The following P4HA1 variants were observed in gnomAD, a reference collection of about 807,000 sequenced individuals.
The protein encoded by P4HA1 is prolyl 4-hydroxylase subunit alpha-1.
A neutral mutation model predicts 72.8 loss-of-function variants in P4HA1; 24 were observed. The ratio of observed to expected loss-of-function variants is 0.33; its 90% CI spans 0.24 to 0.46. The LOEUF is 0.46. P4HA1 is among the 20% of genes least tolerant of loss of function. The pLI is 1.00. For missense variants in P4HA1, 446 were observed against 640.6 expected (o/e 0.70, Z 3.28); for synonymous variants, 201 against 218.8 (o/e 0.92, Z 0.72).
intron 1 of P4HA1, among the ~76,000 whole-genome samples, chr10:73,087,300 ACT>A (rs1841943564): frequency 5.1e-5 from 7 of 136,274 alleles, no homozygotes. Flanking sequence ...ACAGAGTCTC[ACT>A]CTGTCGCCCA....
intron 1 of P4HA1, among the ~76,000 whole-genome samples, chr10:73,089,793 G>A (rs1413914459): frequency 6.6e-6 from 1 of 150,942 alleles, no homozygotes; most frequent in African/African-American, 2.4e-5. Flanking sequence ...CAACAGAAAG[G>A]AAACAATGGT....
intron 9 of P4HA1, among the ~76,000 whole-genome samples, chr10:73,041,836 TTTCTC>T (rs1051002561): frequency 9.9e-5 from 15 of 151,830 alleles, no homozygotes; most frequent in African/African-American, 3.1e-4. Context: ...TTCTATTTCT[TTTCTC>T]TTTTTTTTTT....
At chr10:73,022,571 A>T (rs58705989) in intron 10 of P4HA1, among the ~76,000 whole-genome samples, 10,578 of 152,258 alleles carry the variant, frequency 0.069, 616 homozygotes, top group East Asian at 0.29. Context: ...ACTTCTAAAG[A>T]TCAGAGCACC....
chr10:73,045,650 C>G (rs1840838819), intron 8 of P4HA1, among the ~76,000 whole-genome samples: 1 of 151,742 alleles, frequency 6.6e-6, no homozygotes, highest in Non-Finnish European at 1.5e-5. Context: ...AGGTGACCGC[C>G]TAGATAATAA....
chr10:73,014,050 A>G (rs1326056968), intron 12 of P4HA1, among the ~76,000 whole-genome samples, 174 bp downstream of exon 12: 1 of 152,246 alleles, frequency 6.6e-6, no homozygotes, highest in Non-Finnish European at 1.5e-5. Context: ...ATGAACATCT[A>G]TCTTATAGCC....
intron 1 of P4HA1, among the ~76,000 whole-genome samples, chr10:73,085,223 T>C (rs974410780): frequency 2.0e-5 from 3 of 152,118 alleles, no homozygotes; most frequent in Admixed American, 6.5e-5. Flanking sequence ...ATATGACGCC[T>C]AAAGCACCAA....
chr10:73,074,587 G>C (rs1439936868), intron 2 of P4HA1, among the ~76,000 whole-genome samples: 1 of 152,008 alleles, frequency 6.6e-6, no homozygotes, highest in Non-Finnish European at 1.5e-5. Context: ...CACTGAAAAA[G>C]ACTAAGTATA....
At chr10:73,064,776 G>A (rs1203428868) in intron 5 of P4HA1, among the ~76,000 whole-genome samples, 1 of 152,034 alleles carries the variant, frequency 6.6e-6, no homozygotes, top group African/African-American at 2.4e-5. Context: ...AGGAGGCAGA[G>A]GTTGCAGTGA....
intron 1 of P4HA1, among the ~76,000 whole-genome samples, chr10:73,087,450 T>C (rs1471167322): frequency 6.6e-6 from 1 of 151,868 alleles, no homozygotes; most frequent in African/African-American, 2.4e-5. Flanking sequence ...GTATTTTTAG[T>C]AGAGACGGTT....
chr10:73,022,427 T>TAACA (rs1402980328), intron 10 of P4HA1, among the ~76,000 whole-genome samples: 1 of 152,002 alleles, frequency 6.6e-6, no homozygotes, highest in Admixed American at 6.6e-5. Context: ...GAAGGAAAAC[T>TAACA]AACAGAAAGG....
intron 9 of P4HA1, among the ~76,000 whole-genome samples, chr10:73,039,854 CTTTTTT>C (rs765288935): frequency 8.9e-4 from 77 of 86,998 alleles, no homozygotes; most frequent in South Asian, 3.3e-3. Flanking sequence ...CTGAGATGGC[CTTTTTT>C]TTTTTTTTTT....
chr10:73,052,237 G>T (rs961047547), intron 6 of P4HA1, among the ~76,000 whole-genome samples: 2 of 151,550 alleles, frequency 1.3e-5, no homozygotes, highest in Non-Finnish European at 2.9e-5. Flanking sequence ...AAATAAAAAG[G>T]CAGAAGAATA....
chr10:73,031,771 C>T lies in P4HA1; in HGVS notation c.1149-1401G>A, dbSNP rs57502589. 1.1e-3 allele frequency among the ~76,000 whole-genome samples: 163 copies of T among 152,100 alleles called. 1 individual carries two copies. The highest frequency in any genetic ancestry group is 3.5e-3 in the African/African-American group (145 of 41,494). On this transcript the variant is annotated intron_variant, in intron 9 of 14. Coordinates refer to ENST00000394890, the MANE Select transcript of P4HA1 (RefSeq NM_001017962.3). ...ACCACTGAAATGCATACTTTAAAAG[C>T]GTGAATTTTATGATACGGGAACTAT...
rs535264922 is a variant in P4HA1 at position 73,059,536 on chromosome 10, G to A, written c.464-5946C>T. 4.5e-3 allele frequency among the ~76,000 whole-genome samples: 666 copies of A among 146,510 alleles called. 3 individuals are homozygous for A. The highest frequency in any genetic ancestry group is 8.1e-3 in the Non-Finnish European group (545 of 67,276). On this transcript the variant is annotated intron_variant, in intron 5 of 14. Coordinates refer to ENST00000394890, the MANE Select transcript of P4HA1 (RefSeq NM_001017962.3). Reference sequence around the variant, plus strand: ...AGGCAGGTGGATCATGAGGTCAGGAGATCGAGACCAACCTGGCTAACATGG... The same window carrying A: ...AGGCAGGTGGATCATGAGGTCAGGAAATCGAGACCAACCTGGCTAACATGG...
chr10:73,031,964 C>T lies in P4HA1; in HGVS notation c.1149-1594G>A, dbSNP rs187656440. Among the ~76,000 whole-genome samples, 30 of 152,254 alleles carry T rather than the reference C, an allele frequency of 2.0e-4. 1 individual carries two copies. Among genetic ancestry groups the T allele is most frequent in the Non-Finnish European group, 2.8e-4 (19 of 68,000 alleles). On this transcript the variant is annotated intron_variant, in intron 9 of 14. Transcript: ENST00000394890. Reference sequence around the variant, plus strand: ...TAAACGCCTAAACTCAACTGTCTGGCAAAAACAATCCTGGATCAATCTCTT... The same window carrying T: ...TAAACGCCTAAACTCAACTGTCTGGTAAAAACAATCCTGGATCAATCTCTT...
At chr10:73,026,463 G>T (rs1589582470) in intron 10 of P4HA1, among the ~76,000 whole-genome samples, 1 of 152,254 alleles carries the variant, frequency 6.6e-6, no homozygotes, top group East Asian at 1.9e-4. Context: ...ATTCAAGATG[G>T]ATTAAAGACT....
At chr10:73,090,395 A>C (rs1247450092) in intron 1 of P4HA1, among the ~76,000 whole-genome samples, 1 of 151,970 alleles carries the variant, frequency 6.6e-6, no homozygotes, top group East Asian at 1.9e-4. Flanking sequence ...CGGCCACCCA[A>C]AGGGTTGGGA....
intron 9 of P4HA1, among the ~76,000 whole-genome samples, chr10:73,034,683 G>C (rs1278138574): frequency 2.0e-5 from 3 of 151,440 alleles, no homozygotes; most frequent in Non-Finnish European, 4.4e-5. Context: ...AACCTTCCGG[G>C]CTCAGGTGAC....
chr10:73,091,050 G>A (rs1286799090), intron 1 of P4HA1, among the ~76,000 whole-genome samples: 5 of 114,524 alleles, frequency 4.4e-5, no homozygotes, highest in Non-Finnish European at 8.4e-5. Flanking sequence ...GACAGAGTGA[G>A]AGTCCATCTC....
Sources: allele counts gnomAD v4.1 joint callset (sites outside exome capture counted in the v4.1 genomes callset), GRCh38; gene constraint gnomAD v4.1.1; transcripts MANE v1.5; gene names NCBI Gene and HGNC (gene_info 2026-07-23, HGNC 2026-07-21).